Variants in ZNF335 observed in about 807,000 individuals in gnomAD.
ZNF335 encodes the protein NRC-interacting factor 1.
Under a neutral mutation model 145.6 loss-of-function variants are expected in ZNF335, and 84 were observed. The observed-to-expected ratio is 0.58, with a 90% CI of 0.48 to 0.69. ZNF335 has a LOEUF of 0.69. Ranked by LOEUF, ZNF335 falls within the 30% of genes least tolerant of loss-of-function variation. ZNF335 has a pLI of 0.00. For synonymous variants in ZNF335, 761 were observed against 717.0 expected (o/e 1.06, Z -0.98); for missense variants, 1,865 against 1,809.7 (o/e 1.03, Z -0.55).
Position 45,967,917 on chromosome 20 carries a change from C to A in ZNF335, c.631G>T (p.Gly211Cys). 5 of 1,612,454 alleles carry A rather than the reference C, an allele frequency of 3.1e-6. No individual in the cohort carries two copies. The highest frequency in any genetic ancestry group is 4.2e-6 in the Non-Finnish European group (5 of 1,179,584). Reference protein sequence around the residue: ...TSTSTCLEAQGGPSSPVQLPP... With the variant: ...TSTSTCLEAQCGPSSPVQLPP... Reference sequence around the variant, plus strand: ...AGCTGCACCGGGGAGCTGGGCCCACCCTGTGCCTCCAGGCATGTGGATGTG... The same window carrying A: ...AGCTGCACCGGGGAGCTGGGCCCACACTGTGCCTCCAGGCATGTGGATGTG... Residue 211 changes from glycine to cysteine, a missense_variant, in exon 5 of 28, where the codon GGT (glycine) becomes TGT (cysteine). Coordinates refer to ENST00000322927, the MANE Select transcript of ZNF335 (RefSeq NM_022095.4).
rs563465213 is a variant in ZNF335, at chr20:45,962,238, G to A, written c.1534-56C>T. ...GGGCTTGGCCTCCTCTCCCATCCCCGTCCCCACCATGCCTGTGGCCACAGT... is the reference window on the plus strand; with the variant it reads ...GGGCTTGGCCTCCTCTCCCATCCCCATCCCCACCATGCCTGTGGCCACAGT... On this transcript the variant is annotated intron_variant, in intron 9 of 27. Coordinates refer to ENST00000322927, the MANE Select transcript of ZNF335 (RefSeq NM_022095.4). 58 of 1,377,642 alleles carry A rather than the reference G, an allele frequency of 4.2e-5. No individual in the cohort carries two copies. In the African/African-American group the frequency reaches 4.5e-4, roughly 11 times the overall value. 85.3% of individuals were successfully genotyped at this position (1,377,642 alleles called of 1,614,324 possible).
chr20:45,956,665 TA>T (rs2083734339), intron 17 of ZNF335, among the ~76,000 whole-genome samples: 1 of 151,714 alleles, frequency 6.6e-6, no homozygotes, highest in Non-Finnish European at 1.5e-5. Flanking sequence ...GGGAATCTAG[TA>T]TATGAGGAGG....
Position 45,967,319 on chromosome 20 carries a change from T to A in ZNF335, c.955+175A>T, listed in dbSNP as rs2083973576. On this transcript the variant is annotated intron_variant, in intron 6 of 27. Transcript: ENST00000322927. ...CTGTGCTCTTTTCCAGTGTGCACCCTGCACAACTGCACACAGAAGTCCTGG... is the reference window on the plus strand; with the variant it reads ...CTGTGCTCTTTTCCAGTGTGCACCCAGCACAACTGCACACAGAAGTCCTGG... 5 of 917,884 alleles carry A rather than the reference T, an allele frequency of 5.4e-6. No individual in the cohort carries two copies. The South Asian group carries it at 6.4e-5, about 12-fold the overall frequency. The allele number at this position is 917,884 out of a possible 1,614,324, so 56.9% of individuals were successfully genotyped here.
chr20:45,950,370 G>GA lies in ZNF335; in HGVS notation c.3335dup (p.Asn1113GlnfsTer3). Reference sequence around the variant, plus strand: ...GGAACTTGAGGTGCCCGTTACGGTTGAAACTGAGGGGGATGAAAGGTGGCT... The same window carrying GA: ...GGAACTTGAGGTGCCCGTTACGGTTGAAAACTGAGGGGGATGAAAGGTGGCT... On this transcript the variant is annotated frameshift_variant, in exon 22 of 28. Coordinates refer to ENST00000322927, the MANE Select transcript of ZNF335 (RefSeq NM_022095.4). LOFTEE classifies it high-confidence loss of function. The GA allele has an allele frequency of 6.2e-7, 1 of 1,600,432 alleles. No homozygotes were observed.
At chr20:45,954,065 C>T in intron 17 of ZNF335, 117 bp from the exon 18 acceptor site, 2 of 1,249,488 alleles carry the variant, frequency 1.6e-6, no homozygotes, top group Non-Finnish European at 2.2e-6. Context: ...CAGACCAGTG[C>T]TGCCACCACT....
In ZNF335 at chr20:45,971,537, C is replaced by T. The variant is rs185140421; in HGVS notation, c.-50-77G>A. 6.5e-4 allele frequency: 959 copies of T among 1,482,174 alleles called. 6 individuals are homozygous for T. The African/African-American group carries it at 0.012, about 19-fold the overall frequency. 91.8% of individuals were successfully genotyped at this position (1,482,174 alleles called of 1,614,324 possible). A position where few individuals can be genotyped will look rare whatever the true frequency, so the allele number is the denominator to read the frequency against. Reference sequence around the variant, plus strand: ...CGGCAACCACGGCCACCCATTTGCACCCCTGCGCCCATTTTGCAGATGCGA... The same window carrying T: ...CGGCAACCACGGCCACCCATTTGCATCCCTGCGCCCATTTTGCAGATGCGA... On this transcript the variant is annotated intron_variant, in intron 1 of 27. Transcript: ENST00000322927.
At chr20:45,969,425 C>T in intron 3 of ZNF335, 26 bp downstream of exon 3, 1 of 1,493,304 alleles carries the variant, frequency 6.7e-7, no homozygotes, top group East Asian at 2.3e-5. Context: ...AGGAAAACCC[C>T]TGTGGGGCTC....
chr20:45,950,279 G>A lies in ZNF335; in HGVS notation c.3427C>T (p.Gln1143Ter). 1.3e-6 allele frequency: 2 copies of A among 1,558,078 alleles called. No homozygotes were observed. Among genetic ancestry groups the A allele is most frequent in the Admixed American group, 1.8e-5 (1 of 54,092 alleles). The change falls in exon 22 of 28, where the codon CAG becomes TAG. Residue 1143 changes from glutamine to a stop codon, truncating the protein, a stop_gained. Coordinates refer to ENST00000322927, the MANE Select transcript of ZNF335 (RefSeq NM_022095.4). LOFTEE classifies it high-confidence loss of function. The part of the protein sequence containing the change: ...SGTPTARAPT[Q>*]TPTQTIILNS... ...AGGATGATGGTCTGGGTTGGGGTCT[G>A]GGTAGGGGCCCGGGCTGTAGGGGTT...
chr20:45,952,085 T>C, intron 20 of ZNF335, 62 bp downstream of exon 20: 1 of 1,528,422 alleles, frequency 6.5e-7, no homozygotes, highest in Non-Finnish European at 8.8e-7. Context: ...CATTAAAGGT[T>C]TGTTATACAA....
chr20:45,968,057 G>C (rs1215181244), intron 4 of ZNF335, 30 bp from the exon 5 acceptor site: 3 of 1,611,416 alleles, frequency 1.9e-6, no homozygotes, highest in Non-Finnish European at 2.5e-6. Context: ...TTGGAGGGTG[G>C]TTAAATGGAG....
intron 24 of ZNF335, 22 bp downstream of exon 24, chr20:45,949,778 T>A (rs1471781535): frequency 1.2e-6 from 2 of 1,613,760 alleles, no homozygotes; most frequent in Admixed American, 3.3e-5. Context: ...GCTGAGGGGA[T>A]TAACAGTAGC....
chr20:45,955,290 G>C (rs1484958752), intron 17 of ZNF335, among the ~76,000 whole-genome samples: 1 of 132,514 alleles, frequency 7.5e-6, no homozygotes, highest in African/African-American at 2.8e-5. Context: ...GGCGGAGGTT[G>C]CAGTGAGCCG....
At chr20:45,951,903 G>A (rs2083639620) in intron 20 of ZNF335, among the ~76,000 whole-genome samples, 1 of 152,220 alleles carries the variant, frequency 6.6e-6, no homozygotes, top group Non-Finnish European at 1.5e-5. Context: ...GACCTGCTCT[G>A]TGTCCTGCAC....
At chr20:45,969,778 C>A in intron 2 of ZNF335, 87 bp from the exon 3 acceptor site, 6 of 1,539,306 alleles carry the variant, frequency 3.9e-6, no homozygotes, top group Non-Finnish European at 5.3e-6. Flanking sequence ...CTAGACAGAG[C>A]TCTCAGGCCC....
rs1217830687 is a variant in ZNF335, at chr20:45,959,452, G to A, written c.2021-19C>T. ...TTGGCCCCTGGAGGCACATGTTGGG[G>A]CATGCTTAAGTCTGCCCGTCCCTAG... On this transcript the variant is annotated intron_variant, in intron 14 of 27. Transcript: ENST00000322927. 1.4e-6 allele frequency: 2 copies of A among 1,424,272 alleles called. No homozygotes were observed. The highest frequency in any genetic ancestry group is 1.9e-6 in the Non-Finnish European group (2 of 1,073,438). The allele number at this position is 1,424,272 out of a possible 1,614,324, so 88.2% of individuals were successfully genotyped here.
intron 4 of ZNF335, 71 bp downstream of exon 4, chr20:45,968,214 C>A: frequency 3.2e-6 from 5 of 1,548,466 alleles, no homozygotes; most frequent in Non-Finnish European, 3.6e-6. Flanking sequence ...ACGGAATCCG[C>A]GGCAGAACCT....
In ZNF335 at chr20:45,949,095, G is replaced by C. The variant is rs2083577673; in HGVS notation, c.3902-15C>G. 2 of 1,613,696 alleles carry C rather than the reference G, an allele frequency of 1.2e-6. No homozygotes were observed. The highest frequency in any genetic ancestry group is 1.7e-6 in the Non-Finnish European group (2 of 1,179,996). On this transcript the variant is annotated splice_polypyrimidine_tract_variant and intron_variant, in intron 27 of 27. Coordinates refer to ENST00000322927, the MANE Select transcript of ZNF335 (RefSeq NM_022095.4). ...ATCAGCCACTGCTGCCAGGGGAGGG[G>C]AAAGTATGGTGAGCTGGAGGCTCAA...
chr20:45,963,450 C>T, intron 9 of ZNF335, 23 bp downstream of exon 9: 2 of 1,602,052 alleles, frequency 1.2e-6, no homozygotes, highest in South Asian at 2.2e-5. Flanking sequence ...CCCATGAGCC[C>T]CAAGCCTCTT....
intron 15 of ZNF335, among the ~76,000 whole-genome samples, chr20:45,958,930 A>G (rs2083775585): frequency 6.6e-6 from 1 of 152,170 alleles, no homozygotes; most frequent in Admixed American, 6.6e-5. Context: ...TAATCACCGC[A>G]CCAGCCCTAG....
Sources: gnomAD v4.1 joint callset for allele counts (sites outside exome capture counted in the v4.1 genomes callset) on GRCh38, gnomAD v4.1.1 for gene constraint, MANE v1.5 for transcripts, NCBI Gene and HGNC (gene_info 2026-07-23, HGNC 2026-07-21) for gene names.